NFATC1: variants seen among roughly 807,000 people sequenced by gnomAD.
NFATC1 encodes the protein nuclear factor of activated T cells 1.
In NFATC1, 22 loss-of-function variants were observed where a neutral mutation model predicts 76.0. The ratio of observed to expected loss-of-function variants is 0.29; its 90% CI spans 0.21 to 0.41. The LOEUF is 0.41. Among genes scored for constraint, NFATC1 ranks in the 10% least tolerant of loss-of-function variants. The pLI is 1.00. For missense variants in NFATC1, 1,357 were observed against 1,337.7 expected (o/e 1.01, Z -0.23); for synonymous variants, 704 against 613.1 (o/e 1.15, Z -2.19).
At chr18:79,460,559 G>A (rs2088010977) in intron 6 of NFATC1, among the ~76,000 whole-genome samples, 1 of 152,236 alleles carries the variant, frequency 6.6e-6, no homozygotes, top group African/African-American at 2.4e-5. Flanking sequence ...ACCTCTGGGA[G>A]CCTTTTTATT....
chr18:79,441,960 C>T (rs994319822), intron 3 of NFATC1, among the ~76,000 whole-genome samples: 1 of 152,194 alleles, frequency 6.6e-6, no homozygotes, highest in East Asian at 1.9e-4. Flanking sequence ...CTTCTCTGGG[C>T]GCTTCCAGGT....
At chr18:79,517,302 T>C (rs1462609500) in intron 9 of NFATC1, among the ~76,000 whole-genome samples, 1 of 152,260 alleles carries the variant, frequency 6.6e-6, no homozygotes, top group African/African-American at 2.4e-5. Flanking sequence ...CTCTTAGTTA[T>C]AGGAATGGAG....
intron 9 of NFATC1, among the ~76,000 whole-genome samples, chr18:79,502,967 T>C (rs1157508590): frequency 6.6e-6 from 1 of 152,214 alleles, no homozygotes; most frequent in African/African-American, 2.4e-5. Context: ...GTTCCACTCC[T>C]AGGTATGTAT....
chr18:79,428,581 A>C (rs1256964690), intron 2 of NFATC1, among the ~76,000 whole-genome samples: 1 of 152,266 alleles, frequency 6.6e-6, no homozygotes, highest in Non-Finnish European at 1.5e-5. Context: ...AGAGGGGAAC[A>C]GCCCACAGCC....
chr18:79,430,587 T>A (rs1231194966), intron 2 of NFATC1, among the ~76,000 whole-genome samples: 2 of 152,234 alleles, frequency 1.3e-5, no homozygotes, highest in Non-Finnish European at 2.9e-5. Flanking sequence ...TTCACCCTGT[T>A]GGCCAGGATG....
chr18:79,446,038 A>G (rs1212469681), intron 3 of NFATC1, among the ~76,000 whole-genome samples: 1 of 152,224 alleles, frequency 6.6e-6, no homozygotes, highest in Non-Finnish European at 1.5e-5. Context: ...CATTTTGTTT[A>G]GTTAAGGTTG....
chr18:79,498,990 A>C (rs1357362328), intron 9 of NFATC1, among the ~76,000 whole-genome samples: 1 of 152,266 alleles, frequency 6.6e-6, no homozygotes, highest in Non-Finnish European at 1.5e-5. Context: ...TGTTGCCAAC[A>C]GACCTGACCT....
At chr18:79,413,881 G>C (rs115776927) in intron 2 of NFATC1, among the ~76,000 whole-genome samples, 4 of 152,124 alleles carry the variant, frequency 2.6e-5, no homozygotes, top group African/African-American at 9.7e-5. Flanking sequence ...GAAGAATTCC[G>C]TGCCCACGTG....
chr18:79,477,950 C>T (rs1177419582), intron 8 of NFATC1, among the ~76,000 whole-genome samples: 3 of 152,184 alleles, frequency 2.0e-5, no homozygotes, highest in African/African-American at 7.2e-5. Context: ...CTCCTGCAAA[C>T]ACCACTCTCA....
chr18:79,442,420 G>A (rs752244084), intron 3 of NFATC1, among the ~76,000 whole-genome samples: 44 of 152,220 alleles, frequency 2.9e-4, no homozygotes, highest in African/African-American at 8.9e-4. Flanking sequence ...GGCTCCTGCC[G>A]CGTGCCTGTT....
intron 3 of NFATC1, among the ~76,000 whole-genome samples, chr18:79,442,619 G>A (rs2087025949): frequency 6.6e-6 from 1 of 152,258 alleles, no homozygotes; most frequent in African/African-American, 2.4e-5. Flanking sequence ...GGGATACAAT[G>A]TTGGTTCACA....
At chr18:79,421,983 C>T (rs1250745702) in intron 2 of NFATC1, 6 of 152,236 alleles carry the variant, frequency 3.9e-5, no homozygotes, top group African/African-American at 1.2e-4. Flanking sequence ...TGGAGAGTAA[C>T]ACATCCTTAT....
At chr18:79,399,942 C>T (rs1425787222) in intron 1 of NFATC1, among the ~76,000 whole-genome samples, 2 of 152,014 alleles carry the variant, frequency 1.3e-5, no homozygotes, top group Non-Finnish European at 2.9e-5. Flanking sequence ...GCCGCTTTCC[C>T]GAGGAGGCCC....
rs758306500 is a variant in NFATC1 at position 79,504,212 on chromosome 18, G to GTCGGACTGGCGCGGGAGGCTGAGCTC, written c.2782+17277_2782+17278insGGACTGGCGCGGGAGGCTGAGCTCTC. On this transcript the variant is annotated intron_variant, in intron 9 of 9. Coordinates refer to ENST00000427363, the MANE Select transcript of NFATC1 (RefSeq NM_001278669.2). ...TTGGACTGGCGCGGGAGGCTGAGCT[G>GTCGGACTGGCGCGGGAGGCTGAGCTC]TCAGCCTGTCTCGGCTTTCGACGGG... Among the ~76,000 whole-genome samples, 1,258 of 152,340 alleles carry GTCGGACTGGCGCGGGAGGCTGAGCTC rather than the reference G, an allele frequency of 8.3e-3. 11 individuals are homozygous for GTCGGACTGGCGCGGGAGGCTGAGCTC. The highest frequency in any genetic ancestry group is 0.027 in the Middle Eastern group (8 of 294).
At chr18:79,445,508 T>C (rs8083140) in intron 3 of NFATC1, among the ~76,000 whole-genome samples, 21,217 of 152,232 alleles carry the variant, frequency 0.14, 2,175 homozygotes, top group African/African-American at 0.28. Context: ...GCTGCTGTTG[T>C]GGGTGATGAG....
intron 2 of NFATC1, among the ~76,000 whole-genome samples, chr18:79,426,380 C>T (rs987602909): frequency 7.9e-5 from 12 of 152,240 alleles, no homozygotes; most frequent in Non-Finnish European, 1.6e-4. Context: ...GTGGAAAGGA[C>T]TGTGTGGCCG....
rs532757075 is a variant in NFATC1, at chr18:79,483,496, GT to G, written c.2093-2750del. 1.9e-3 allele frequency among the ~76,000 whole-genome samples: 209 copies of G among 109,802 alleles called. 3 individuals are homozygous for G. Among genetic ancestry groups the G allele is most frequent in the African/African-American group, 7.4e-3 (184 of 24,794 alleles). 72.0% of individuals were successfully genotyped at this position (109,802 alleles called of 152,430 possible). ...TGGGGTGTCACTCCGGCGTGACCTG[GT>G]TCCTGGGGTGTCACTCCGGCGTGAC... is the stretch of plus-strand genomic sequence containing the variant. On this transcript the variant is annotated intron_variant, in intron 8 of 9. Coordinates refer to ENST00000427363, the MANE Select transcript of NFATC1 (RefSeq NM_001278669.2).
intron 9 of NFATC1, among the ~76,000 whole-genome samples, chr18:79,488,268 T>C (rs1414784531): frequency 7.9e-6 from 1 of 127,234 alleles, no homozygotes; most frequent in East Asian, 2.0e-4. Flanking sequence ...GTGTTTGCGG[T>C]AGTGTGTCCC....
intron 2 of NFATC1, among the ~76,000 whole-genome samples, chr18:79,414,227 C>T (rs1388763461): frequency 1.3e-5 from 2 of 152,264 alleles, no homozygotes; most frequent in East Asian, 1.9e-4. Context: ...CTCTGGCAGG[C>T]GTGGAAAATG....
Sources: gnomAD v4.1 joint callset for allele counts (sites outside exome capture counted in the v4.1 genomes callset) on GRCh38, gnomAD v4.1.1 for gene constraint, MANE v1.5 for transcripts, NCBI Gene and HGNC (gene_info 2026-07-23, HGNC 2026-07-21) for gene names.